The following STX18 variants were observed in gnomAD, a reference collection of about 807,000 sequenced individuals.
The protein encoded by STX18 is syntaxin-18.
A neutral mutation model predicts 50.1 loss-of-function variants in STX18; 40 were observed. The observed-to-expected ratio is 0.80, with a 90% CI of 0.62 to 1.04. The LOEUF is 1.04. Ranked by LOEUF, STX18 falls within the 50% of genes least tolerant of loss-of-function variation. STX18 has a pLI of 0.00. For missense variants in STX18, 410 were observed against 415.8 expected, an observed-to-expected ratio of 0.99 and a Z score of 0.12; for synonymous variants, 158 against 151.8, an observed-to-expected ratio of 1.04 and a Z score of -0.30.
intron 1 of STX18, among the ~76,000 whole-genome samples, chr4:4,489,771 G>GA (rs1470983907): frequency 2.6e-5 from 4 of 151,846 alleles, no homozygotes; most frequent in African/African-American, 7.3e-5. Context: ...ACATTTGCCG[G>GA]AAAAAAATGT....
At chr4:4,456,125 TA>T (rs1295988848) in intron 5 of STX18, among the ~76,000 whole-genome samples, 2 of 151,362 alleles carry the variant, frequency 1.3e-5, no homozygotes, top group African/African-American at 4.9e-5. Context: ...AAAATAAAAT[TA>T]AAAAATAGGC....
chr4:4,504,483 C>T (rs953210892), intron 1 of STX18, among the ~76,000 whole-genome samples: 27 of 152,082 alleles, frequency 1.8e-4, no homozygotes, highest in Non-Finnish European at 2.4e-4. Flanking sequence ...TGATACCTCT[C>T]GAAACTTAGC....
chr4:4,475,604 T>C (rs533232782), intron 1 of STX18, among the ~76,000 whole-genome samples: 4 of 152,342 alleles, frequency 2.6e-5, no homozygotes, highest in African/African-American at 9.6e-5. Flanking sequence ...GACTGTTTAA[T>C]CACATGACTA....
intron 5 of STX18, 82 bp downstream of exon 5, chr4:4,457,109 G>GTTA (rs1350670805): frequency 7.7e-7 from 1 of 1,298,482 alleles, no homozygotes; most frequent in African/African-American, 1.5e-5. Flanking sequence ...ACATTGCATA[G>GTTA]GGTAAGTGCT....
At chr4:4,438,373 G>A (rs770952282) in intron 6 of STX18, 21 bp downstream of exon 6, 1 of 1,568,522 alleles carries the variant, frequency 6.4e-7, no homozygotes, top group Admixed American at 1.7e-5. Flanking sequence ...TGCAAGGTGA[G>A]ATTTTCATCT....
At chr4:4,507,837 A>AT in intron 1 of STX18, 1 of 634,918 alleles carries the variant, frequency 1.6e-6, no homozygotes, top group Non-Finnish European at 2.6e-6. Flanking sequence ...AAAAAAAAAA[A>AT]GTTAAAAAGC....
At chr4:4,450,279 T>C (rs1726676392) in intron 5 of STX18, among the ~76,000 whole-genome samples, 1 of 152,214 alleles carries the variant, frequency 6.6e-6, no homozygotes. Context: ...ACAGGGCTTT[T>C]CCCCTTTCAC....
rs531102857 is a variant in STX18, at chr4:4,509,405, G to GT, written c.168+32391dup. Among the ~76,000 whole-genome samples the GT allele has an allele frequency of 2.7e-3, 402 of 148,786 alleles. 2 individuals carry two copies. Among genetic ancestry groups the GT allele is most frequent in the African/African-American group, 8.6e-3 (352 of 40,702 alleles). ...ATGTCCTTTGCCCACTTTTTAAAGG[G>GT]TTTTTTTTTTCTTGTAAATTTGTTT... On this transcript the variant is annotated intron_variant, in intron 1 of 10. Coordinates refer to ENST00000306200, the MANE Select transcript of STX18 (RefSeq NM_016930.4).
At position 4,420,010 on chromosome 4, in the gene STX18, C is replaced by A; in HGVS notation, c.*24G>T. The A allele has an allele frequency of 6.3e-7, 1 of 1,592,444 alleles. No individual in the cohort carries two copies. Among genetic ancestry groups the A allele is most frequent in the East Asian group, 2.3e-5 (1 of 43,832 alleles). On this transcript the variant is annotated 3_prime_UTR_variant, in exon 11 of 11. Coordinates refer to ENST00000306200, the MANE Select transcript of STX18 (RefSeq NM_016930.4). The surrounding 1 kb of genome is among the most constrained non-coding windows in gnomAD (Gnocchi z 4.3). ...GTCTGTGAGTGCCCATGAGGACTCT[C>A]GTGCTGGGCCCCCGTGGCCCTGGCT...
chr4:4,431,191 G>T (rs1319241081), intron 7 of STX18, among the ~76,000 whole-genome samples: 1 of 149,760 alleles, frequency 6.7e-6, no homozygotes, highest in Non-Finnish European at 1.5e-5. Flanking sequence ...AAGAAAGAAA[G>T]AAAAAAAAAG....
chr4:4,535,442 T>C (rs941485575), intron 1 of STX18, among the ~76,000 whole-genome samples: 1 of 152,148 alleles, frequency 6.6e-6, no homozygotes, highest in Non-Finnish European at 1.5e-5. Context: ...TTGCAATCCA[T>C]AAAAACACAG....
intron 1 of STX18, among the ~76,000 whole-genome samples, chr4:4,510,783 G>A (rs1461404443): frequency 2.0e-5 from 3 of 152,192 alleles, no homozygotes; most frequent in Non-Finnish European, 4.4e-5. Context: ...ACTGGATAAA[G>A]CAAATGTGGC....
intron 1 of STX18, among the ~76,000 whole-genome samples, chr4:4,506,527 C>T (rs1016184997): frequency 1.3e-5 from 2 of 152,094 alleles, no homozygotes; most frequent in African/African-American, 4.8e-5. Context: ...GTGGGTGTGA[C>T]CACAAACGGA....
At chr4:4,475,518 A>C (rs1414088845) in intron 1 of STX18, among the ~76,000 whole-genome samples, 3 of 152,174 alleles carry the variant, frequency 2.0e-5, no homozygotes, top group Non-Finnish European at 4.4e-5. Flanking sequence ...AAGTTCAACA[A>C]ATCTTTGATT....
In STX18 at chr4:4,449,366, C is replaced by T. The variant is rs56323442; in HGVS notation, c.497+7825G>A. Among the ~76,000 whole-genome samples, 1,419 of 152,208 alleles carry T rather than the reference C, an allele frequency of 9.3e-3. 20 individuals carry two copies. The highest frequency in any genetic ancestry group is 0.033 in the African/African-American group (1,358 of 41,530). ...GTGCACGGCACCCCCCCACCCCACT[C>T]TATTTTGACCAGTTATCTCAGTAAT... On this transcript the variant is annotated intron_variant, in intron 5 of 10. Coordinates refer to ENST00000306200, the MANE Select transcript of STX18 (RefSeq NM_016930.4).
chr4:4,494,499 A>G (rs2108868656), intron 1 of STX18, among the ~76,000 whole-genome samples: 1 of 152,252 alleles, frequency 6.6e-6, no homozygotes. Context: ...AGCATATTCC[A>G]TATTTCATTG....
intron 1 of STX18, among the ~76,000 whole-genome samples, chr4:4,531,058 T>A (rs898236224): frequency 1.3e-4 from 20 of 152,300 alleles, no homozygotes; most frequent in South Asian, 4.1e-4. Context: ...AAAATTTATT[T>A]TTTTCCCAAA....
intron 5 of STX18, among the ~76,000 whole-genome samples, chr4:4,441,241 A>G (rs1232857692): frequency 6.6e-6 from 1 of 152,236 alleles, no homozygotes; most frequent in Non-Finnish European, 1.5e-5. Context: ...TTCAAGGGGA[A>G]GAAACACAGA....
intron 8 of STX18, among the ~76,000 whole-genome samples, chr4:4,424,509 C>T (rs2108771667): frequency 6.6e-6 from 1 of 152,282 alleles, no homozygotes. Context: ...AGGTCCATCT[C>T]TGAGGGCAGA....
Sources: allele counts gnomAD v4.1 joint callset (sites outside exome capture counted in the v4.1 genomes callset), GRCh38; gene constraint gnomAD v4.1.1; non-coding constraint Gnocchi (gnomAD v3.1); transcripts MANE v1.5; gene names NCBI Gene and HGNC (gene_info 2026-07-23, HGNC 2026-07-21).